The following ADCK2 variants were observed in gnomAD, a reference collection of about 807,000 sequenced individuals.
ADCK2 encodes the protein aarF domain containing kinase 2, also known as uncharacterized aarF domain-containing protein kinase 2.
In ADCK2, 37 loss-of-function variants were observed where a neutral mutation model predicts 52.3. The ratio of observed to expected loss-of-function variants is 0.71; its 90% confidence interval spans 0.54 to 0.93. The LOEUF is 0.93. ADCK2 is among the 40% of genes least tolerant of loss of function. The pLI, the probability that ADCK2 is intolerant of heterozygous loss-of-function variation, is 0.00. For missense variants in ADCK2, 695 were observed against 798.7 expected (o/e 0.87, Z 1.56); for synonymous variants, 321 against 349.2 (o/e 0.92, Z 0.90).
rs1381908058 is a variant in ADCK2 at position 140,673,939 on chromosome 7, G to A, written c.609G>A (p.Arg203=). The part of the protein sequence containing the change: ...DWGSILSFEN[R]EPVGSGCVAQ... Reference sequence around the variant, plus strand: ...GGAGCATCCTCTCTTTTGAGAACCGGGAACCTGTGGGCTCAGGCTGCGTGG... The same window carrying A: ...GGAGCATCCTCTCTTTTGAGAACCGAGAACCTGTGGGCTCAGGCTGCGTGG... The change falls in exon 1 of 8, where the codon CGG becomes CGA. Residue 203 remains arginine (R), a synonymous_variant. Coordinates refer to ENST00000072869, the MANE Select transcript of ADCK2 (RefSeq NM_052853.4). This position sits in a 1 kb window ranked among gnomAD's most constrained non-coding sequence, Gnocchi z 6.4. 1 of 1,614,018 alleles carries A rather than the reference G, an allele frequency of 6.2e-7. No individual in the cohort carries two copies. The highest frequency in any genetic ancestry group is 8.5e-7 in the Non-Finnish European group (1 of 1,180,052).
In ADCK2 at chr7:140,693,499, A is replaced by G. The variant is rs1425652886; in HGVS notation, c.1741-1164A>G. 1.3e-5 allele frequency among the ~76,000 whole-genome samples: 2 copies of G among 152,220 alleles called. No homozygotes were observed. The highest frequency in any genetic ancestry group is 3.8e-4 in the East Asian group (2 of 5,202). On this transcript the variant is annotated intron_variant, in intron 7 of 7. Transcript: ENST00000072869. This position sits in a 1 kb window ranked among gnomAD's most constrained non-coding sequence, Gnocchi z 4.0. ...TTAAAAAGCAGATTCCTGTTCTTCT[A>G]GGTTTACATCTGGCTCTATTCCTCC...
chr7:140,687,318 A>T, intron 5 of ADCK2, 77 bp downstream of exon 5: 1 of 1,472,748 alleles, frequency 6.8e-7, no homozygotes, highest in Non-Finnish European at 9.0e-7. Flanking sequence ...GGTGGCTCAG[A>T]CCTGTAATCC....
chr7:140,676,056 TC>T (rs1794408048), intron 2 of ADCK2, among the ~76,000 whole-genome samples: 2 of 152,234 alleles, frequency 1.3e-5, no homozygotes, highest in Admixed American at 6.5e-5. Context: ...CTTAGTCTGT[TC>T]GGACAGAATC....
At chr7:140,679,787 C>T (rs935438369) in intron 3 of ADCK2, among the ~76,000 whole-genome samples, 1 of 150,520 alleles carries the variant, frequency 6.6e-6, no homozygotes, top group African/African-American at 2.4e-5. Flanking sequence ...ATTCTCGTGC[C>T]TCAGCCTCCC....
In ADCK2 at chr7:140,673,016, C is replaced by T. The variant is rs2130775505; in HGVS notation, c.-315C>T. On this transcript the variant is annotated 5_prime_UTR_variant, in exon 1 of 8. Coordinates refer to ENST00000072869, the MANE Select transcript of ADCK2 (RefSeq NM_052853.4). This position sits in a 1 kb window ranked among gnomAD's most constrained non-coding sequence, Gnocchi z 6.4. ...GCGGCTGCCCGGCCCCTGCCTCCGC[C>T]CGCGCGGCCCCCTCGCTCAGGTCGC... 5.9e-6 allele frequency: 1 copy of T among 168,456 alleles called. No homozygotes were observed. The highest frequency in any genetic ancestry group is 1.3e-5 in the Non-Finnish European group (1 of 79,346). The allele number at this position is 168,456 out of a possible 1,614,324, so 10.4% of individuals were successfully genotyped here.
intron 2 of ADCK2, among the ~76,000 whole-genome samples, chr7:140,676,858 C>A (rs762992724): frequency 2.6e-5 from 4 of 151,992 alleles, no homozygotes; most frequent in Admixed American, 1.3e-4. Flanking sequence ...CTCATCTCTA[C>A]CAAAAATACA....
At chr7:140,692,991 T>G (rs993729693) in intron 7 of ADCK2, among the ~76,000 whole-genome samples, 5 of 152,158 alleles carry the variant, frequency 3.3e-5, no homozygotes, top group Non-Finnish European at 7.3e-5. Flanking sequence ...ACACTTGTCA[T>G]TTTCTGTTTT....
Position 140,678,878 on chromosome 7 carries a change from G to A in ADCK2, c.1081-277G>A, listed in dbSNP as rs901863941. ...ACTCATGGGCTGGTGTGAGGCAGGC[G>A]GGTGGCAAGGGCGAGAGTAGCAGAG... is the stretch of plus-strand genomic sequence containing the variant. On this transcript the variant is annotated intron_variant, in intron 2 of 7. Transcript: ENST00000072869. The surrounding 1 kb of genome is among the most constrained non-coding windows in gnomAD (Gnocchi z 4.9). Among the ~76,000 whole-genome samples the A allele has an allele frequency of 3.9e-5, 6 of 152,194 alleles. No individual in the cohort carries two copies. The highest frequency in any genetic ancestry group is 9.7e-5 in the African/African-American group (4 of 41,450).
In ADCK2 at chr7:140,679,139, G is replaced by A. The variant is rs760735720; in HGVS notation, c.1081-16G>A. On this transcript the variant is annotated splice_polypyrimidine_tract_variant and intron_variant, in intron 2 of 7. Transcript: ENST00000072869. ...ACCCAGACTAGCCCTCATCCTTTCT[G>A]TCCATTTCTCTGTAGATTGACCTGC... 5.6e-6 allele frequency: 9 copies of A among 1,613,638 alleles called. No individual in the cohort carries two copies. In the African/African-American group the frequency reaches 1.1e-4, roughly 19 times the overall value.
intron 4 of ADCK2, among the ~76,000 whole-genome samples, chr7:140,681,652 C>T (rs1001739570): frequency 6.6e-6 from 1 of 151,250 alleles, no homozygotes; most frequent in Admixed American, 6.6e-5. Flanking sequence ...GGGTCTCACT[C>T]TGTTGCCGAG....
At chr7:140,686,043 T>G (rs1794599731) in intron 4 of ADCK2, among the ~76,000 whole-genome samples, 1 of 152,202 alleles carries the variant, frequency 6.6e-6, no homozygotes, top group Non-Finnish European at 1.5e-5. Flanking sequence ...TAGTGGCACT[T>G]GCTCTCACAC....
chr7:140,689,855 A>G, intron 6 of ADCK2, 130 bp downstream of exon 6: 1 of 1,196,390 alleles, frequency 8.4e-7, no homozygotes, highest in South Asian at 2.6e-5. Context: ...ACCACCCCAC[A>G]TCTTCCAGGC....
chr7:140,681,363 G>A (rs1794513124), intron 4 of ADCK2, among the ~76,000 whole-genome samples: 1 of 151,928 alleles, frequency 6.6e-6, no homozygotes, highest in African/African-American at 2.4e-5. Context: ...TGTCGCCCAG[G>A]CTGGAGTGCG....
rs895099433 is a variant in ADCK2, at chr7:140,673,191, A to G, written c.-140A>G. Reference sequence around the variant, plus strand: ...GGCCTGAGGCCCGGCGAGGTGCTGGAGGGAGCGGGGCGCGGATCCGGCCCA... The same window carrying G: ...GGCCTGAGGCCCGGCGAGGTGCTGGGGGGAGCGGGGCGCGGATCCGGCCCA... On this transcript the variant is annotated 5_prime_UTR_variant, in exon 1 of 8. Transcript: ENST00000072869. This position sits in a 1 kb window ranked among gnomAD's most constrained non-coding sequence, Gnocchi z 6.4. 1.8e-6 allele frequency: 1 copy of G among 569,248 alleles called. No homozygotes were observed. Among genetic ancestry groups the G allele is most frequent in the Non-Finnish European group, 2.6e-6 (1 of 377,960 alleles). The allele number at this position is 569,248 out of a possible 1,614,324, so 35.3% of individuals were successfully genotyped here.
rs1360219632 is a variant in ADCK2, at chr7:140,673,691, T to A, written c.361T>A (p.Tyr121Asn). The change falls in exon 1 of 8, where the codon TAC becomes AAC. Residue 121 changes from tyrosine (Y) to asparagine (N), a missense_variant. Physicochemically the swap from Tyr to Asn is moderately radical, Grantham distance 143 (BLOSUM62 -2). Transcript: ENST00000072869. The surrounding 1 kb of genome is among the most constrained non-coding windows in gnomAD (Gnocchi z 6.4). ...CCTCCTACTCCTCTACCCCCTCACC[T>A]ACCTGGCTCCCAGCGTCTCCACCCT... ...FPLLLLYPLTYLAPSVSTLWL... is the reference protein window; with the variant it reads ...FPLLLLYPLTNLAPSVSTLWL... 1 of 1,611,516 alleles carries A rather than the reference T, an allele frequency of 6.2e-7. No individual in the cohort carries two copies.
chr7:140,675,810 G>C (rs1794399766), intron 2 of ADCK2, among the ~76,000 whole-genome samples: 1 of 152,128 alleles, frequency 6.6e-6, no homozygotes, highest in African/African-American at 2.4e-5. Flanking sequence ...TTGATTCCAG[G>C]GCAATTGAGT....
At chr7:140,688,260 T>C (rs1453007650) in intron 5 of ADCK2, among the ~76,000 whole-genome samples, 1 of 152,164 alleles carries the variant, frequency 6.6e-6, no homozygotes, top group Non-Finnish European at 1.5e-5. Context: ...GCCAGGCTGA[T>C]CTTGAACTTC....
chr7:140,679,013 C>T, intron 2 of ADCK2, 142 bp from the exon 3 acceptor site: 1 of 1,088,324 alleles, frequency 9.2e-7, no homozygotes, highest in Non-Finnish European at 1.3e-6. Flanking sequence ...ATGTCGCCTC[C>T]TGAGTTTCTG....
chr7:140,677,421 A>AG (rs1410537008), intron 2 of ADCK2, among the ~76,000 whole-genome samples: 4 of 151,760 alleles, frequency 2.6e-5, no homozygotes, highest in African/African-American at 9.7e-5. Flanking sequence ...AAAAAAAAAA[A>AG]GAAAGACAGT....
Sources: allele counts gnomAD v4.1 joint callset (sites outside exome capture counted in the v4.1 genomes callset), GRCh38; gene constraint gnomAD v4.1.1; non-coding constraint Gnocchi (gnomAD v3.1); transcripts MANE v1.5; gene names NCBI Gene and HGNC (gene_info 2026-07-23, HGNC 2026-07-21).